BRAP: variants seen among roughly 807,000 people sequenced by gnomAD.
BRAP encodes the protein BRCA1 associated protein.
A neutral mutation model predicts 73.4 loss-of-function variants in BRAP; 42 were observed. The observed-to-expected ratio is 0.57, with a 90% CI of 0.45 to 0.74. The LOEUF (loss-of-function observed/expected upper bound fraction) is 0.74, where lower values mean the gene tolerates loss of function less well. Among genes scored for constraint, BRAP ranks in the 30% least tolerant of loss-of-function variants. BRAP has a pLI of 0.00. For synonymous variants in BRAP, 255 were observed against 267.4 expected (o/e 0.95, Z 0.45); for missense variants, 593 against 751.4 (o/e 0.79, Z 2.46).
At chr12:111,675,548 C>T (rs1887348580) in intron 4 of BRAP, among the ~76,000 whole-genome samples, 1 of 149,656 alleles carries the variant, frequency 6.7e-6, no homozygotes, top group Non-Finnish European at 1.5e-5. Context: ...ACAAACTACA[C>T]ATGGTTCCTA....
chr12:111,678,697 T>A (rs1052643768), intron 4 of BRAP, among the ~76,000 whole-genome samples: 1 of 149,882 alleles, frequency 6.7e-6, no homozygotes, highest in African/African-American at 2.4e-5. Flanking sequence ...TTTTTTTTTT[T>A]TTTTTTTTTG....
intron 4 of BRAP, among the ~76,000 whole-genome samples, chr12:111,673,809 A>G (rs77509231): frequency 0.027 from 4,042 of 152,264 alleles, 190 homozygotes; most frequent in African/African-American, 0.091. Flanking sequence ...AAATGTGGAC[A>G]AACAGTCCCT....
chr12:111,660,715 T>C (rs933437321), intron 6 of BRAP, 40 bp from the exon 7 acceptor site: 1 of 1,557,772 alleles, frequency 6.4e-7, no homozygotes. Context: ...AGGTTAAATA[T>C]AAAAGACAGC....
At chr12:111,674,009 A>G (rs1887279546) in intron 4 of BRAP, among the ~76,000 whole-genome samples, 2 of 152,204 alleles carry the variant, frequency 1.3e-5, no homozygotes, top group South Asian at 4.1e-4. Context: ...ATCCAAACAC[A>G]GAAAGTTATG....
rs1989938 is a variant in BRAP, at chr12:111,659,298, A to G, written c.1020T>C (p.Tyr340=). The part of the protein sequence containing the change: ...LICGHIGCGR[Y]VSRHAYKHFE... ...AGTGCTTATAAGCATGTCGACTGAC[A>G]TACCGTCCACATCCTATGTGGCCGC... is the stretch of plus-strand genomic sequence containing the variant. The change falls in exon 8 of 12, where the codon TAT becomes TAC. Residue 340 remains tyrosine (Y), a synonymous_variant. Coordinates refer to ENST00000419234, the MANE Select transcript of BRAP (RefSeq NM_006768.5). 1.7e-4 allele frequency: 273 copies of G among 1,614,148 alleles called. No homozygotes were observed. The African/African-American group carries it at 3.3e-3, about 20-fold the overall frequency.
intron 11 of BRAP, among the ~76,000 whole-genome samples, chr12:111,648,472 T>G (rs1886196522): frequency 7.4e-6 from 1 of 134,824 alleles, no homozygotes; most frequent in African/African-American, 2.9e-5. Context: ...ATTAACTGGG[T>G]GTGGTGGTGT....
intron 5 of BRAP, chr12:111,670,365 T>C (rs1327088207): frequency 5.0e-6 from 2 of 400,388 alleles, no homozygotes; most frequent in Non-Finnish European, 4.9e-6. Flanking sequence ...TTCTCTCCCA[T>C]CCAACATTTT....
Position 111,665,595 on chromosome 12 carries a change from T to G in BRAP, c.896+44A>C. 1 of 1,602,018 alleles carries G rather than the reference T, an allele frequency of 6.2e-7. No individual in the cohort carries two copies. Among genetic ancestry groups the G allele is most frequent in the Non-Finnish European group, 8.5e-7 (1 of 1,171,288 alleles). On this transcript the variant is annotated intron_variant, in intron 6 of 11. Coordinates refer to ENST00000419234, the MANE Select transcript of BRAP (RefSeq NM_006768.5). The surrounding 1 kb of genome is among the most constrained non-coding windows in gnomAD (Gnocchi z 4.3). ...GTGGCTCTTTTTAATTCTGGAAGGG[T>G]TGCAATGGGCTTGTACACAGAGGGG...
In BRAP at chr12:111,665,272, T is replaced by C. The variant is rs1256992766; in HGVS notation, c.896+367A>G. On this transcript the variant is annotated intron_variant, in intron 6 of 11. Transcript: ENST00000419234. This position sits in a 1 kb window ranked among gnomAD's most constrained non-coding sequence, Gnocchi z 4.3. ...AAAATATTAGGCTGCTGTAGCCCAGTTGATAAGAAGCCCAGAGTGAATGGC... is the reference window on the plus strand; with the variant it reads ...AAAATATTAGGCTGCTGTAGCCCAGCTGATAAGAAGCCCAGAGTGAATGGC... 1.3e-5 allele frequency among the ~76,000 whole-genome samples: 2 copies of C among 152,152 alleles called. No homozygotes were observed. Among genetic ancestry groups the C allele is most frequent in the Non-Finnish European group, 2.9e-5 (2 of 68,020 alleles).
At position 111,644,557 on chromosome 12, in the gene BRAP, G is replaced by A. The variant is rs1886035334; in HGVS notation, c.1421C>T (p.Thr474Ile). 2.5e-6 allele frequency: 4 copies of A among 1,609,150 alleles called. No homozygotes were observed. The highest frequency in any genetic ancestry group is 1.7e-4 in the Middle Eastern group (1 of 6,030). The change falls in exon 12 of 12, where the codon ACT (threonine) becomes ATT (isoleucine). Residue 474 changes from threonine (T) to isoleucine (I), a missense_variant. Physicochemically the swap from Thr to Ile is moderately conservative, Grantham distance 89. Coordinates refer to ENST00000419234, the MANE Select transcript of BRAP (RefSeq NM_006768.5). Reference sequence around the variant, plus strand: ...TTTGGCCACTTTTGTGTTTAGCTGAGTGCACCTTTTGAAAAACAAAGGAAG... The same window carrying A: ...TTTGGCCACTTTTGTGTTTAGCTGAATGCACCTTTTGAAAAACAAAGGAAG... ...KEKQSVERKC[T>I]QLNTKVAKLT...
At chr12:111,666,242 G>A (rs1048410617) in intron 5 of BRAP, among the ~76,000 whole-genome samples, 1 of 152,164 alleles carries the variant, frequency 6.6e-6, no homozygotes, top group African/African-American at 2.4e-5. Flanking sequence ...TCCAGGAAGG[G>A]AGACTGCTGT....
At chr12:111,679,121 G>A in intron 4 of BRAP, 30 bp downstream of exon 4, 1 of 1,415,612 alleles carries the variant, frequency 7.1e-7, no homozygotes, top group Non-Finnish European at 9.4e-7. Flanking sequence ...CTGTGGCAAA[G>A]AGATTTTTAA....
intron 10 of BRAP, among the ~76,000 whole-genome samples, chr12:111,651,225 TTAATAATAATAA>T (rs112724065): frequency 2.9e-4 from 42 of 147,066 alleles, no homozygotes; most frequent in Admixed American, 4.1e-4. Context: ...AGCACTAGCT[TTAATAATAATAA>T]TAATAATAAT....
chr12:111,678,356 G>A (rs989101422), intron 4 of BRAP, among the ~76,000 whole-genome samples: 6 of 150,678 alleles, frequency 4.0e-5, no homozygotes, highest in Non-Finnish European at 5.9e-5. Context: ...AATAGTTACC[G>A]CTTGTTTAAA....
chr12:111,652,857 G>A (rs186476061), intron 10 of BRAP, among the ~76,000 whole-genome samples: 29 of 152,100 alleles, frequency 1.9e-4, no homozygotes, highest in African/African-American at 7.0e-4. Flanking sequence ...CTACAGGCAC[G>A]TGCCACCAAG....
chr12:111,673,510 G>GAAAAAAAAAAAAAA (rs11350832), intron 4 of BRAP, among the ~76,000 whole-genome samples: 1 of 118,160 alleles, frequency 8.5e-6, no homozygotes. Context: ...ATCTCAAAAA[G>GAAAAAAAAAAAAAA]AAAAAAAAAA....
intron 6 of BRAP, among the ~76,000 whole-genome samples, chr12:111,662,576 G>C (rs1886796151): frequency 6.6e-6 from 1 of 151,804 alleles, no homozygotes; most frequent in Admixed American, 6.6e-5. Flanking sequence ...ACTAGTAACA[G>C]TTACCCAACT....
Position 111,654,014 on chromosome 12 carries a change from T to C in BRAP, c.1311+1552A>G, listed in dbSNP as rs960299740. On this transcript the variant is annotated intron_variant, in intron 10 of 11. Coordinates refer to ENST00000419234, the MANE Select transcript of BRAP (RefSeq NM_006768.5). ...AATCCTGAGCTTAGCTTCAAGGGTC[T>C]GGATGAAGCACTTGAGGTAGTCACA... Among the ~76,000 whole-genome samples the C allele has an allele frequency of 6.6e-5, 10 of 152,340 alleles. No individual in the cohort carries two copies. In the East Asian group the frequency reaches 1.9e-3, roughly 29 times the overall value.
rs1886634946 is a variant in BRAP, at chr12:111,658,872, T to C, written c.1112-27A>G. On this transcript the variant is annotated intron_variant, in intron 8 of 11. Transcript: ENST00000419234. ...TACAGAAAGAGTCAACAAAAGTGTGTTTCTTTAGAATGAAAAGGGTCTCTG... is the reference window on the plus strand; with the variant it reads ...TACAGAAAGAGTCAACAAAAGTGTGCTTCTTTAGAATGAAAAGGGTCTCTG... 7.1e-6 allele frequency: 11 copies of C among 1,557,894 alleles called. No individual in the cohort carries two copies. In the South Asian group the frequency reaches 1.1e-4, roughly 16 times the overall value.
Sources: allele counts gnomAD v4.1 joint callset (sites outside exome capture counted in the v4.1 genomes callset), GRCh38; gene constraint gnomAD v4.1.1; non-coding constraint Gnocchi (gnomAD v3.1); transcripts MANE v1.5; gene names NCBI Gene and HGNC (gene_info 2026-07-23, HGNC 2026-07-21).